The following DHX9 variants were observed in gnomAD, a reference collection of about 807,000 sequenced individuals.
DHX9 encodes ATP-dependent RNA helicase A.
Under a neutral mutation model 148.7 loss-of-function variants are expected in DHX9, and 27 were observed. The observed-to-expected ratio is 0.18, with a 90% confidence interval of 0.13 to 0.25. The LOEUF (loss-of-function observed/expected upper bound fraction) is 0.25. Among genes scored for constraint, DHX9 ranks in the 10% least tolerant of loss-of-function variants. The pLI is 1.00. For missense variants in DHX9, 796 were observed against 1,559.6 expected (o/e 0.51, Z 8.25); for synonymous variants, 529 against 516.6 (o/e 1.02, Z -0.33).
chr1:182,842,772 C>A, intron 2 of DHX9, 95 bp downstream of exon 2: 1 of 903,240 alleles, frequency 1.1e-6, no homozygotes, highest in Non-Finnish European at 1.7e-6. Flanking sequence ...TAATGTGTTG[C>A]ACATTAGGAA....
chr1:182,870,993 C>CAT (rs1429713943), intron 14 of DHX9, among the ~76,000 whole-genome samples: 1 of 152,128 alleles, frequency 6.6e-6, no homozygotes. Context: ...TATTGGGCAG[C>CAT]ATAGTCTTAG....
chr1:182,865,690 A>G (rs774661481), intron 12 of DHX9, among the ~76,000 whole-genome samples: 1 of 152,230 alleles, frequency 6.6e-6, no homozygotes, highest in African/African-American at 2.4e-5. Flanking sequence ...TCAGGAACTT[A>G]TAGACAGAAT....
chr1:182,867,466 G>T (rs1230153556), intron 14 of DHX9, among the ~76,000 whole-genome samples: 2 of 152,040 alleles, frequency 1.3e-5, no homozygotes, highest in East Asian at 3.9e-4. Context: ...GCAGTGGCGC[G>T]ATCTCAGCTC....
At chr1:182,861,811 G>A (rs995043881) in intron 12 of DHX9, among the ~76,000 whole-genome samples, 1 of 152,112 alleles carries the variant, frequency 6.6e-6, no homozygotes, top group African/African-American at 2.4e-5. Context: ...TTGTCCTAGC[G>A]TTTGTCCCAA....
chr1:182,848,598 A>G (rs1012249912), intron 3 of DHX9, among the ~76,000 whole-genome samples: 1 of 152,200 alleles, frequency 6.6e-6, no homozygotes, highest in Non-Finnish European at 1.5e-5. Context: ...GAGTAAATGA[A>G]TGGATGAATT....
chr1:182,856,444 A>G, intron 6 of DHX9, 88 bp from the exon 7 acceptor site: 1 of 1,073,064 alleles, frequency 9.3e-7, no homozygotes, highest in Non-Finnish European at 1.4e-6. Flanking sequence ...TTGCCTAAGC[A>G]GTTGGAAAGC....
intron 12 of DHX9, among the ~76,000 whole-genome samples, chr1:182,862,010 G>A (rs1374344261): frequency 6.6e-6 from 1 of 152,174 alleles, no homozygotes; most frequent in Non-Finnish European, 1.5e-5. Context: ...AAGTAGGCCT[G>A]AGCATGCTGA....
chr1:182,849,991 CCTTT>C (rs1557965412), intron 3 of DHX9, among the ~76,000 whole-genome samples: 1 of 146,800 alleles, frequency 6.8e-6, no homozygotes, highest in East Asian at 2.0e-4. Context: ...TACCCCCCCC[CCTTT>C]TTTTTTTAAT....
chr1:182,883,119 C>G lies in DHX9; in HGVS notation c.2915-20C>G. ...CAGCCAGTTATCTGATTTTTGTTTT[C>G]ACTGTGCTCCTCTTAACAGATTGTT... On this transcript the variant is annotated intron_variant, in intron 24 of 27. Transcript: ENST00000367549. 1 of 1,578,006 alleles carries G rather than the reference C, an allele frequency of 6.3e-7. No individual in the cohort carries two copies. Among genetic ancestry groups the G allele is most frequent in the Non-Finnish European group, 8.7e-7 (1 of 1,148,434 alleles).
chr1:182,870,427 A>T (rs191946245), intron 14 of DHX9, among the ~76,000 whole-genome samples: 2 of 152,372 alleles, frequency 1.3e-5, no homozygotes, highest in Admixed American at 1.3e-4. Context: ...AGCTAAAATA[A>T]TCGAGACAGT....
At chr1:182,840,135 CAA>C (rs1667893141) in intron 1 of DHX9, among the ~76,000 whole-genome samples, 1 of 151,946 alleles carries the variant, frequency 6.6e-6, no homozygotes. Context: ...AGAGTGGAAA[CAA>C]AAACCGTGTA....
intron 3 of DHX9, among the ~76,000 whole-genome samples, chr1:182,851,651 A>T (rs1187481455): frequency 6.6e-6 from 1 of 152,176 alleles, no homozygotes; most frequent in East Asian, 1.9e-4. Context: ...ATGTGGTTAG[A>T]TGGGTTTAAG....
Position 182,878,935 on chromosome 1 carries a change from CAT to C in DHX9, c.2352-314_2352-313del, listed in dbSNP as rs200772295. ...AAAAGTCTTGTTGTCGTTTTTAACCCATGTTTGTCAACAGGCAAGGCCTGAAG... is the reference window on the plus strand; with the variant it reads ...AAAAGTCTTGTTGTCGTTTTTAACCCGTTTGTCAACAGGCAAGGCCTGAAG... On this transcript the variant is annotated intron_variant, in intron 20 of 27. Coordinates refer to ENST00000367549, the MANE Select transcript of DHX9 (RefSeq NM_001357.5). Among the ~76,000 whole-genome samples, 160 of 152,312 alleles carry C rather than the reference CAT, an allele frequency of 1.1e-3. 1 individual carries two copies. The East Asian group carries it at 0.023, about 22-fold the overall frequency.
intron 12 of DHX9, among the ~76,000 whole-genome samples, chr1:182,861,522 C>CCT (rs1571308140): frequency 6.6e-6 from 1 of 152,300 alleles, no homozygotes; most frequent in East Asian, 1.9e-4. Flanking sequence ...CTCTTCCCTT[C>CCT]CTCTCCCTTC....
intron 12 of DHX9, among the ~76,000 whole-genome samples, chr1:182,860,466 T>TCC (rs1354515141): frequency 6.6e-6 from 1 of 152,234 alleles, no homozygotes; most frequent in Admixed American, 6.5e-5. Flanking sequence ...GTCCTAAAGT[T>TCC]CATCCAAATC....
At chr1:182,876,617 C>G in intron 18 of DHX9, 76 bp downstream of exon 18, 2 of 1,365,780 alleles carry the variant, frequency 1.5e-6, no homozygotes, top group East Asian at 2.4e-5. Flanking sequence ...TTTCAAAGAG[C>G]TACCCAAAAA....
At chr1:182,867,794 C>T (rs1330068292) in intron 14 of DHX9, among the ~76,000 whole-genome samples, 1 of 152,136 alleles carries the variant, frequency 6.6e-6, no homozygotes, top group Non-Finnish European at 1.5e-5. Context: ...TAGGAAGAAA[C>T]TAGAATTTAT....
intron 5 of DHX9, 138 bp downstream of exon 5, chr1:182,853,556 C>A: frequency 1.7e-6 from 1 of 592,216 alleles, no homozygotes. Context: ...CTTATTAGCA[C>A]AAGTCATCAT....
intron 12 of DHX9, among the ~76,000 whole-genome samples, chr1:182,864,193 C>T (rs1273436707): frequency 1.3e-5 from 2 of 152,150 alleles, no homozygotes; most frequent in Admixed American, 6.5e-5. Flanking sequence ...GCTGAGCAAC[C>T]CGCCAGCCTC....
Sources: allele counts gnomAD v4.1 joint callset (sites outside exome capture counted in the v4.1 genomes callset), GRCh38; gene constraint gnomAD v4.1.1; transcripts MANE v1.5; gene names NCBI Gene and HGNC (gene_info 2026-07-23, HGNC 2026-07-21).